Variants in CEP112 observed in about 807,000 individuals in gnomAD.
CEP112 encodes the protein centrosomal protein 112.
A neutral mutation model predicts 153.0 loss-of-function variants in CEP112; 127 were observed. The observed-to-expected ratio is 0.83, with a 90% CI of 0.72 to 0.96. CEP112 has a LOEUF of 0.96. CEP112 is among the 40% of genes least tolerant of loss of function. The pLI, the probability that CEP112 is intolerant of heterozygous loss-of-function variation, is 0.00. For missense variants in CEP112, 1,089 were observed against 1,101.2 expected (o/e 0.99, Z 0.16); for synonymous variants, 358 against 374.4 (o/e 0.96, Z 0.51).
At chr17:65,862,400 A>C (rs1337714735) in intron 20 of CEP112, among the ~76,000 whole-genome samples, 1 of 152,174 alleles carries the variant, frequency 6.6e-6, no homozygotes, top group African/African-American at 2.4e-5. Flanking sequence ...CATCCTGGCT[A>C]ACACGGTGAA....
intron 21 of CEP112, among the ~76,000 whole-genome samples, chr17:65,816,509 C>G (rs1209350466): frequency 6.6e-6 from 1 of 151,802 alleles, no homozygotes; most frequent in Non-Finnish European, 1.5e-5. Context: ...TTTATTGGCT[C>G]TTTGAATAGG....
chr17:65,655,026 C>T (rs545128234), intron 24 of CEP112: 50 of 678,680 alleles, frequency 7.4e-5, no homozygotes, highest in African/African-American at 5.2e-4. Context: ...AATGCTTCCT[C>T]GGATAGTATC....
At chr17:65,720,672 G>C (rs987844658) in intron 23 of CEP112, among the ~76,000 whole-genome samples, 1 of 152,202 alleles carries the variant, frequency 6.6e-6, no homozygotes, top group Non-Finnish European at 1.5e-5. Flanking sequence ...ACGGGATTAA[G>C]ATAGATTTAT....
At chr17:65,707,778 A>G (rs141294198) in intron 23 of CEP112, among the ~76,000 whole-genome samples, 304 of 152,344 alleles carry the variant, frequency 2.0e-3, no homozygotes, top group African/African-American at 7.2e-3. Context: ...AACTCTTAAT[A>G]TTGTTTTAAC....
chr17:66,142,563 C>G (rs1234390813), intron 4 of CEP112, among the ~76,000 whole-genome samples: 1 of 152,082 alleles, frequency 6.6e-6, no homozygotes, highest in Non-Finnish European at 1.5e-5. Flanking sequence ...TCTTTTTATG[C>G]TTGTGGACTT....
chr17:65,792,847 A>G (rs1320029903), intron 21 of CEP112, among the ~76,000 whole-genome samples: 1 of 152,254 alleles, frequency 6.6e-6, no homozygotes, highest in Non-Finnish European at 1.5e-5. Context: ...GGTATTTAAA[A>G]AAAATATTTC....
chr17:66,097,785 T>G (rs1445152875), intron 6 of CEP112, among the ~76,000 whole-genome samples: 1 of 152,204 alleles, frequency 6.6e-6, no homozygotes. Flanking sequence ...TTGATAGTTA[T>G]CTCTACTATT....
chr17:65,760,666 T>C (rs1382612420), intron 21 of CEP112, among the ~76,000 whole-genome samples: 1 of 152,178 alleles, frequency 6.6e-6, no homozygotes, highest in African/African-American at 2.4e-5. Flanking sequence ...TGTTAAAGAT[T>C]TTTTCATTTA....
intron 23 of CEP112, among the ~76,000 whole-genome samples, chr17:65,720,234 T>C (rs2049788434): frequency 6.6e-6 from 1 of 152,202 alleles, no homozygotes; most frequent in Non-Finnish European, 1.5e-5. Context: ...GTAGGACATG[T>C]CATCTGTTTT....
chr17:65,806,212 A>G (rs1436078062), intron 21 of CEP112, among the ~76,000 whole-genome samples: 1 of 152,194 alleles, frequency 6.6e-6, no homozygotes, highest in Non-Finnish European at 1.5e-5. Flanking sequence ...AGGGGAAACA[A>G]GCATGCATAA....
At chr17:65,945,926 C>T (rs1004228550) in intron 18 of CEP112, among the ~76,000 whole-genome samples, 1 of 152,166 alleles carries the variant, frequency 6.6e-6, no homozygotes, top group African/African-American at 2.4e-5. Flanking sequence ...GGATTACAGG[C>T]ATGAGCCACC....
intron 21 of CEP112, among the ~76,000 whole-genome samples, chr17:65,798,877 A>G (rs1474641428): frequency 6.6e-6 from 1 of 152,178 alleles, no homozygotes; most frequent in Admixed American, 6.5e-5. Flanking sequence ...AGGAACCAGA[A>G]TTTGTTCCGG....
chr17:65,983,414 T>C (rs572176099), intron 17 of CEP112, among the ~76,000 whole-genome samples: 3 of 152,274 alleles, frequency 2.0e-5, no homozygotes, highest in African/African-American at 4.8e-5. Flanking sequence ...GGGATATGTG[T>C]CCCCTCCAAA....
At chr17:66,046,720 A>G (rs2066225643) in intron 12 of CEP112, among the ~76,000 whole-genome samples, 1 of 152,174 alleles carries the variant, frequency 6.6e-6, no homozygotes, top group Non-Finnish European at 1.5e-5. Context: ...ATCATACTGG[A>G]TTAGGGTGGG....
intron 17 of CEP112, among the ~76,000 whole-genome samples, chr17:65,985,399 G>A (rs536763690): frequency 6.6e-6 from 1 of 152,238 alleles, no homozygotes; most frequent in East Asian, 1.9e-4. Context: ...ACAATATTTT[G>A]GCCTGGAGTC....
chr17:66,082,589 C>G (rs908813574), intron 8 of CEP112, among the ~76,000 whole-genome samples: 1 of 152,086 alleles, frequency 6.6e-6, no homozygotes, highest in East Asian at 1.9e-4. Flanking sequence ...ATGGCAAAAC[C>G]CTGTCTCTAC....
chr17:65,793,235 T>C (rs901397990), intron 21 of CEP112, among the ~76,000 whole-genome samples: 6 of 152,180 alleles, frequency 3.9e-5, no homozygotes, highest in Non-Finnish European at 4.4e-5. Context: ...ATTCATTTAT[T>C]CAGAAAACCA....
At chr17:66,103,797 T>A (rs1228831529) in intron 6 of CEP112, among the ~76,000 whole-genome samples, 1 of 152,148 alleles carries the variant, frequency 6.6e-6, no homozygotes, top group Admixed American at 6.5e-5. Context: ...CTACATGGCA[T>A]GAAGAGAGAA....
chr17:65,960,941 G>T (rs533558292), intron 18 of CEP112, among the ~76,000 whole-genome samples: 1 of 151,670 alleles, frequency 6.6e-6, no homozygotes, highest in African/African-American at 2.4e-5. Context: ...GCATCTTTGC[G>T]ATGGGTACCC....
Sources: gnomAD v4.1 joint callset for allele counts (sites outside exome capture counted in the v4.1 genomes callset) on GRCh38, gnomAD v4.1.1 for gene constraint, MANE v1.5 for transcripts, NCBI Gene and HGNC (gene_info 2026-07-23, HGNC 2026-07-21) for gene names.